Variants in ZNF483 observed in about 807,000 individuals in gnomAD.
The protein encoded by ZNF483 is zinc finger protein HIT-10.
In ZNF483, 9 loss-of-function variants were observed where a neutral mutation model predicts 28.6. That is an observed-to-expected ratio of 0.32 (90% CI 0.19 to 0.55). The LOEUF (loss-of-function observed/expected upper bound fraction) is 0.55, where lower values mean the gene tolerates loss of function less well. Ranked by LOEUF, ZNF483 falls within the 20% of genes least tolerant of loss-of-function variation. ZNF483 has a pLI of 0.93. For synonymous variants in ZNF483, 322 were observed against 306.2 expected (o/e 1.05, Z -0.54); for missense variants, 675 against 871.7 (o/e 0.77, Z 2.84).
At chr9:111,530,331 C>A (rs1030584278) in intron 2 of ZNF483, among the ~76,000 whole-genome samples, 60 of 152,170 alleles carry the variant, frequency 3.9e-4, no homozygotes, top group African/African-American at 1.4e-3. Context: ...CTATGCAATG[C>A]CTCATCCATC....
chr9:111,569,252 C>T (rs1828705012), intron 5 of ZNF483, among the ~76,000 whole-genome samples: 1 of 152,096 alleles, frequency 6.6e-6, no homozygotes, highest in Non-Finnish European at 1.5e-5. Context: ...TAGAGAAGAG[C>T]AAAGTCCCAG....
At position 111,545,933 on chromosome 9, in the gene ZNF483, C is replaced by A. The variant is rs1827796950; in HGVS notation, c.*2763C>A. Among the ~76,000 whole-genome samples the A allele has an allele frequency of 6.6e-6, 1 of 152,106 alleles. No homozygotes were observed. Among genetic ancestry groups the A allele is most frequent in the South Asian group, 2.1e-4 (1 of 4,832 alleles). On this transcript the variant is annotated 3_prime_UTR_variant, in exon 6 of 6. Coordinates refer to ENST00000309235, the MANE Select transcript of ZNF483 (RefSeq NM_133464.5). Reference sequence around the variant, plus strand: ...TTAGGCAGATGCCTGAGGGGAGTTGCTAGGTCATACGGTAAATTTTCATTT... The same window carrying A: ...TTAGGCAGATGCCTGAGGGGAGTTGATAGGTCATACGGTAAATTTTCATTT...
rs745381362 is a variant in ZNF483, at chr9:111,534,251, C to T, written c.629-10C>T. 6.8e-6 allele frequency: 11 copies of T among 1,612,068 alleles called. No individual in the cohort carries two copies. Among genetic ancestry groups the T allele is most frequent in the Non-Finnish European group, 8.5e-6 (10 of 1,178,390 alleles). On this transcript the variant is annotated splice_polypyrimidine_tract_variant and intron_variant, in intron 4 of 5. Coordinates refer to ENST00000309235, the MANE Select transcript of ZNF483 (RefSeq NM_133464.5). ...AAACAGCAATTTTCTGTTCTTTTCTCTATGAGCAGACTTTCCAGTTTCAAA... is the reference window on the plus strand; with the variant it reads ...AAACAGCAATTTTCTGTTCTTTTCTTTATGAGCAGACTTTCCAGTTTCAAA...
intron 5 of ZNF483, among the ~76,000 whole-genome samples, chr9:111,561,148 G>GGAGAGAGAGAGAGAGAGA (rs527553902): frequency 2.9e-5 from 1 of 34,848 alleles, no homozygotes; most frequent in Non-Finnish European, 4.9e-5. Flanking sequence ...GGAGAGAGAG[G>GGAGAGAGAGAGAGAGAGA]GAGAGAGAGA....
At chr9:111,535,710 AT>A (rs1554812742) in intron 5 of ZNF483, among the ~76,000 whole-genome samples, 1 of 151,094 alleles carries the variant, frequency 6.6e-6, no homozygotes, top group African/African-American at 2.4e-5. Context: ...CGCCAAGCTA[AT>A]TTTTTTTGTA....
intron 5 of ZNF483, among the ~76,000 whole-genome samples, chr9:111,538,881 G>A (rs1202846111): frequency 6.6e-6 from 1 of 152,064 alleles, no homozygotes; most frequent in African/African-American, 2.4e-5. Flanking sequence ...GGAAGCCGAG[G>A]CAGGTGGATC....
chr9:111,565,871 A>G (rs1419217246), intron 5 of ZNF483, among the ~76,000 whole-genome samples: 1 of 152,088 alleles, frequency 6.6e-6, no homozygotes, highest in East Asian at 1.9e-4. Context: ...ATAGGGAATG[A>G]GATTAAAAAG....
At chr9:111,556,087 C>T (rs528354127), downstream of ZNF483, among the ~76,000 whole-genome samples, 1 of 152,386 alleles carries the variant, frequency 6.6e-6, no homozygotes, top group African/African-American at 2.4e-5. Context: ...TGGGTAAATG[C>T]TCCCATTCCA....
chr9:111,564,166 G>C (rs1257142224), intron 5 of ZNF483: 4 of 947,924 alleles, frequency 4.2e-6, no homozygotes, highest in Non-Finnish European at 5.2e-6. Context: ...CCTGATACAA[G>C]TTTTTCGCTA....
chr9:111,541,929 T>G lies in ZNF483; in HGVS notation c.994T>G (p.Tyr332Asp). 6.2e-7 allele frequency: 1 copy of G among 1,614,002 alleles called. No individual in the cohort carries two copies. Among genetic ancestry groups the G allele is most frequent in the Non-Finnish European group, 8.5e-7 (1 of 1,180,016 alleles). ...CTACTTGAGGAAGAAATCTCGGAGG[T>G]ATAATGAAAGCAAGAAACCCTTCAG... ...RVYLRKKSRR[Y>D]NESKKPFSFH... Residue 332 changes from tyrosine to aspartate, a missense_variant, in exon 6 of 6, where the codon TAT (tyrosine) becomes GAT (aspartate). Tyr to Asp is a radical substitution (Grantham distance 160). Around this residue, in one of 6 missense-constraint regions of ZNF483, gnomAD observed 525 missense variants for 581.8 expected, o/e 0.90. Transcript: ENST00000309235.
chr9:111,570,230 T>G, intron 5 of ZNF483: 1 of 1,606,764 alleles, frequency 6.2e-7, no homozygotes, highest in Non-Finnish European at 8.5e-7. Context: ...AAGGGCACAT[T>G]TGGGTGGCAG....
At chr9:111,564,285 T>G (rs1199830767) in intron 5 of ZNF483, 1 of 488,960 alleles carries the variant, frequency 2.0e-6, no homozygotes, top group Non-Finnish European at 2.7e-6. Context: ...CTTTTATTAT[T>G]ATTATTATTA....
chr9:111,555,587 A>G (rs937888847), downstream of ZNF483, among the ~76,000 whole-genome samples: 2 of 152,202 alleles, frequency 1.3e-5, no homozygotes, highest in African/African-American at 2.4e-5. Context: ...TACAGGAAGC[A>G]TGGCTGGGAG....
intron 1 of ZNF483, among the ~76,000 whole-genome samples, 189 bp from the exon 2 acceptor site, chr9:111,527,079 G>A (rs1827200906): frequency 6.6e-6 from 1 of 151,866 alleles, no homozygotes; most frequent in African/African-American, 2.4e-5. Flanking sequence ...TCCAGCCTGG[G>A]CACCAAGAGC....
At chr9:111,561,209 A>T (rs1230443583) in intron 5 of ZNF483, among the ~76,000 whole-genome samples, 6 of 137,698 alleles carry the variant, frequency 4.4e-5, no homozygotes, top group African/African-American at 1.7e-4. Context: ...GTCCAAGAGT[A>T]TGGTACCTTT....
intron 5 of ZNF483, among the ~76,000 whole-genome samples, chr9:111,539,236 A>G (rs1171770022): frequency 6.6e-6 from 1 of 152,174 alleles, no homozygotes; most frequent in African/African-American, 2.4e-5. Context: ...GCTTGTGAAC[A>G]TGAAAAAAAT....
At chr9:111,560,473 CA>C (rs752283590) in intron 5 of ZNF483, among the ~76,000 whole-genome samples, 1,064 of 94,266 alleles carry the variant, frequency 0.011, 20 homozygotes, top group African/African-American at 0.04. Context: ...GACTCCATCT[CA>C]AAAAAAAAAA....
At chr9:111,575,643 T>C (rs962300499) in intron 5 of ZNF483, among the ~76,000 whole-genome samples, 1 of 152,244 alleles carries the variant, frequency 6.6e-6, no homozygotes, top group Non-Finnish European at 1.5e-5. Flanking sequence ...AGCAGTTCAA[T>C]AGAGGAAAAA....
rs1828984181 is a variant in ZNF483 at position 111,574,805 on chromosome 9, A to C, written c.722-1560A>C. 8.7e-6 allele frequency: 14 copies of C among 1,613,764 alleles called. No homozygotes were observed. The highest frequency in any genetic ancestry group is 1.3e-5 in the African/African-American group (1 of 74,898). ...TATGGCAATCCTTCCAAATTTCTTC[A>C]TCTGGCCGATAACAGTGTTTGAAAA... is the stretch of plus-strand genomic sequence containing the variant. On this transcript the variant is annotated intron_variant, in intron 5 of 5. Transcript: ENST00000358151.
Sources: allele counts gnomAD v4.1 joint callset (sites outside exome capture counted in the v4.1 genomes callset), GRCh38; gene constraint gnomAD v4.1.1; regional missense constraint gnomAD v4.1.1; transcripts MANE v1.5; gene names NCBI Gene and HGNC (gene_info 2026-07-23, HGNC 2026-07-21).